The following ZNRF3 variants were observed in gnomAD, a reference collection of about 807,000 sequenced individuals.
The protein encoded by ZNRF3 is zinc and ring finger 3.
A neutral mutation model predicts 72.5 loss-of-function variants in ZNRF3; 23 were observed. The observed-to-expected ratio is 0.32, with a 90% confidence interval of 0.23 to 0.45. The LOEUF is 0.45. Ranked by LOEUF, ZNRF3 falls within the 20% of genes least tolerant of loss-of-function variation. The pLI is 1.00. For synonymous variants in ZNRF3, 610 were observed against 545.3 expected (o/e 1.12, Z -1.65); for missense variants, 1,169 against 1,272.1 (o/e 0.92, Z 1.23).
chr22:28,929,438 C>A (rs1371276964), intron 1 of ZNRF3, among the ~76,000 whole-genome samples: 1 of 152,170 alleles, frequency 6.6e-6, no homozygotes, highest in African/African-American at 2.4e-5. Flanking sequence ...AACCTCCTTC[C>A]CAGTTATGAC....
Position 29,030,916 on chromosome 22 carries a change from G to A in ZNRF3, c.427-11579G>A, listed in dbSNP as rs1388844045. 6.6e-6 allele frequency among the ~76,000 whole-genome samples: 1 copy of A among 152,180 alleles called. No homozygotes were observed. The highest frequency in any genetic ancestry group is 1.5e-5 in the Non-Finnish European group (1 of 68,028). ...ATCTCCTGCCAGGGAAACCTGGAAG[G>A]TCAGGCCGGGCTGCAGCCAAGCCCT... On this transcript the variant is annotated intron_variant, in intron 2 of 8. Coordinates refer to ENST00000544604, the MANE Select transcript of ZNRF3 (RefSeq NM_001206998.2). The surrounding 1 kb of genome is among the most constrained non-coding windows in gnomAD (Gnocchi z 4.2).
intron 1 of ZNRF3, among the ~76,000 whole-genome samples, chr22:28,905,196 C>T (rs939941387): frequency 1.2e-4 from 19 of 152,064 alleles, no homozygotes; most frequent in Admixed American, 1.0e-3. Context: ...CTCGGCCTCC[C>T]AAAGTGCTGA....
intron 2 of ZNRF3, among the ~76,000 whole-genome samples, chr22:29,038,951 CAT>C (rs369747542): frequency 1.8e-4 from 27 of 150,698 alleles, no homozygotes; most frequent in African/African-American, 3.9e-4. Flanking sequence ...ATTTAAGCAC[CAT>C]ATATATATAT....
At chr22:28,984,289 C>T (rs1199372915) in intron 1 of ZNRF3, among the ~76,000 whole-genome samples, 1 of 152,124 alleles carries the variant, frequency 6.6e-6, no homozygotes. Context: ...AAGCCCTGTA[C>T]CCATTGAACA....
At chr22:29,021,573 C>T (rs914041602) in intron 2 of ZNRF3, among the ~76,000 whole-genome samples, 1 of 151,608 alleles carries the variant, frequency 6.6e-6, no homozygotes, top group East Asian at 1.9e-4. Context: ...CTGCAACCTC[C>T]GCCTCCCAGG....
rs546801911 is a variant in ZNRF3 at position 29,041,268 on chromosome 22, G to A, written c.427-1227G>A. Among the ~76,000 whole-genome samples the A allele has an allele frequency of 1.4e-4, 22 of 152,132 alleles. No homozygotes were observed. The South Asian group carries it at 4.6e-3, about 32-fold the overall frequency. ...ATCAAACCTCCTACCTCAGCCTCCCGAGTAGCTGAGACTACAGTTACGTCC... is the reference window on the plus strand; with the variant it reads ...ATCAAACCTCCTACCTCAGCCTCCCAAGTAGCTGAGACTACAGTTACGTCC... On this transcript the variant is annotated intron_variant, in intron 2 of 8. Transcript: ENST00000544604.
At chr22:28,934,779 C>T (rs1048838764) in intron 1 of ZNRF3, among the ~76,000 whole-genome samples, 14 of 146,806 alleles carry the variant, frequency 9.5e-5, no homozygotes, top group African/African-American at 3.6e-4. Flanking sequence ...GATAGTGCCA[C>T]TGCACTCTAG....
chr22:29,023,228 T>G (rs1234559163), intron 2 of ZNRF3, among the ~76,000 whole-genome samples: 1 of 152,156 alleles, frequency 6.6e-6, no homozygotes, highest in Non-Finnish European at 1.5e-5. Flanking sequence ...ACAAAAAATC[T>G]TCAATATTAT....
rs781124454 is a variant in ZNRF3 at position 29,049,404 on chromosome 22, A to G, written c.1223A>G (p.Tyr408Cys). ...TMDRHGEQSL[Y>C]SPQTPAYIRS... ...GACCGGCACGGGGAGCAGAGCCTCTATTCCCCGCAGACCCCCGCCTACATC... is the reference window on the plus strand; with the variant it reads ...GACCGGCACGGGGAGCAGAGCCTCTGTTCCCCGCAGACCCCCGCCTACATC... Residue 408 changes from tyrosine (Y) to cysteine (C), a missense_variant, in exon 8 of 9, where the codon TAT becomes TGT. Physicochemically the swap from Tyr to Cys is radical, Grantham distance 194. Transcript: ENST00000544604. The surrounding 1 kb of genome is among the most constrained non-coding windows in gnomAD (Gnocchi z 5.2). The G allele has an allele frequency of 2.5e-5, 41 of 1,610,222 alleles. No individual in the cohort carries two copies. Among genetic ancestry groups the G allele is most frequent in the Non-Finnish European group, 3.5e-5 (41 of 1,179,686 alleles).
chr22:29,039,716 A>T (rs1211828848), intron 2 of ZNRF3, among the ~76,000 whole-genome samples: 1 of 148,814 alleles, frequency 6.7e-6, no homozygotes, highest in Non-Finnish European at 1.5e-5. Context: ...GGAGGCCGGA[A>T]TGGGAGGATC....
intron 1 of ZNRF3, among the ~76,000 whole-genome samples, chr22:28,906,739 C>T (rs1054317282): frequency 1.3e-5 from 2 of 152,162 alleles, no homozygotes; most frequent in African/African-American, 4.8e-5. Context: ...AATAGAGAGA[C>T]GTGCTGGTGC....
At chr22:28,990,631 G>A (rs191925156) in intron 2 of ZNRF3, among the ~76,000 whole-genome samples, 102 of 152,152 alleles carry the variant, frequency 6.7e-4, no homozygotes, top group Admixed American at 6.5e-3. Flanking sequence ...TGCTGTGATC[G>A]CACCACTGTA....
intron 2 of ZNRF3, chr22:29,026,540 T>C (rs2036640634): frequency 1.3e-5 from 2 of 152,346 alleles, no homozygotes; most frequent in Middle Eastern, 3.4e-3. Flanking sequence ...TATCCTGTTA[T>C]CGCAGAAGAC....
intron 1 of ZNRF3, among the ~76,000 whole-genome samples, chr22:28,929,021 T>G (rs188815533): frequency 5.1e-4 from 77 of 152,302 alleles, no homozygotes; most frequent in Admixed American, 4.4e-3. Context: ...TTGGACAGAT[T>G]TTCTTTAGTT....
At chr22:28,978,572 A>G (rs1235338198) in intron 1 of ZNRF3, among the ~76,000 whole-genome samples, 1 of 152,176 alleles carries the variant, frequency 6.6e-6, no homozygotes, top group African/African-American at 2.4e-5. Flanking sequence ...AATCTGCTGG[A>G]ACACTTGGAG....
chr22:28,956,048 G>T (rs2035254575), intron 1 of ZNRF3, among the ~76,000 whole-genome samples: 1 of 152,178 alleles, frequency 6.6e-6, no homozygotes, highest in Non-Finnish European at 1.5e-5. Flanking sequence ...GCCCCATCTG[G>T]TTGAGGGAGA....
At chr22:29,002,305 TG>T (rs1292180453) in intron 2 of ZNRF3, among the ~76,000 whole-genome samples, 7 of 152,242 alleles carry the variant, frequency 4.6e-5, no homozygotes, top group African/African-American at 7.2e-5. Flanking sequence ...TATCCATGAA[TG>T]TACATGCTGC....
chr22:28,946,344 TA>T (rs145077090), intron 1 of ZNRF3, among the ~76,000 whole-genome samples: 5,168 of 152,330 alleles, frequency 0.034, 188 homozygotes, highest in African/African-American at 0.092. Flanking sequence ...TTTTTAAAAT[TA>T]AAGCCCCCTT....
At chr22:28,979,517 C>T (rs2035729321) in intron 1 of ZNRF3, among the ~76,000 whole-genome samples, 1 of 152,196 alleles carries the variant, frequency 6.6e-6, no homozygotes, top group Non-Finnish European at 1.5e-5. Context: ...TGCTCCTATA[C>T]CATTGCCAGT....
Sources: gnomAD v4.1 joint callset for allele counts (sites outside exome capture counted in the v4.1 genomes callset) on GRCh38, gnomAD v4.1.1 for gene constraint, Gnocchi (gnomAD v3.1) non-coding constraint, MANE v1.5 for transcripts, NCBI Gene and HGNC (gene_info 2026-07-23, HGNC 2026-07-21) for gene names.